The following TOLLIP variants were observed in gnomAD, a reference collection of about 807,000 sequenced individuals.
TOLLIP encodes toll interacting protein, also known as toll-interacting protein.
TOLLIP carries 16 observed loss-of-function variants against 33.5 expected under a neutral mutation model. The ratio of observed to expected loss-of-function variants is 0.48; its 90% confidence interval spans 0.32 to 0.72. The LOEUF (loss-of-function observed/expected upper bound fraction) is 0.72. Ranked by LOEUF, TOLLIP falls within the 30% of genes least tolerant of loss-of-function variation. TOLLIP has a pLI of 0.03. For synonymous variants in TOLLIP, 176 were observed against 163.7 expected, an observed-to-expected ratio of 1.07 and a Z score of -0.57; for missense variants, 325 against 396.6, an observed-to-expected ratio of 0.82 and a Z score of 1.53.
chr11:1,302,162 G>A (rs959325076), intron 1 of TOLLIP, among the ~76,000 whole-genome samples: 1 of 152,244 alleles, frequency 6.6e-6, no homozygotes, highest in Non-Finnish European at 1.5e-5. Flanking sequence ...TCTGGCCCAG[G>A]AGAAATGGCC....
At chr11:1,304,232 CGTCCACCGGGAGTACT>C (rs1201673575) in intron 1 of TOLLIP, among the ~76,000 whole-genome samples, 1 of 152,020 alleles carries the variant, frequency 6.6e-6, no homozygotes, top group Admixed American at 6.6e-5. Context: ...GACAAGTGAC[CGTCCACCGGGAGTACT>C]GTCCACCTGG....
rs1205167386 is a variant in TOLLIP, at chr11:1,277,774, A to C, written c.611-521T>G. Among the ~76,000 whole-genome samples the C allele has an allele frequency of 2.0e-5, 3 of 152,198 alleles. No homozygotes were observed. Among genetic ancestry groups the C allele is most frequent in the Admixed American group, 1.3e-4 (2 of 15,280 alleles). ...TTTGCAGCTTGGCAAGTGTGTCACT[A>C]AACTGTGTGCCGGTGGGGAACAATC... On this transcript the variant is annotated intron_variant, in intron 5 of 5. Coordinates refer to ENST00000317204, the MANE Select transcript of TOLLIP (RefSeq NM_019009.4). This position sits in a 1 kb window ranked among gnomAD's most constrained non-coding sequence, Gnocchi z 4.2.
chr11:1,287,428 C>A (rs868281980), intron 4 of TOLLIP, among the ~76,000 whole-genome samples: 3 of 113,464 alleles, frequency 2.6e-5, no homozygotes, highest in East Asian at 2.3e-4. Flanking sequence ...CCGCACCCTC[C>A]CCGCCGCAGC....
At chr11:1,287,431 GCCGCAGCCTCCCCGCCGCAC>G (rs1564969470) in intron 4 of TOLLIP, among the ~76,000 whole-genome samples, 3 of 40,146 alleles carry the variant, frequency 7.5e-5, no homozygotes, top group South Asian at 1.2e-3. Flanking sequence ...CACCCTCCCC[GCCGCAGCCTCCCCGCCGCAC>G]CCTCCCCGCC....
chr11:1,300,704 G>C (rs780661093), intron 1 of TOLLIP, among the ~76,000 whole-genome samples: 3 of 152,212 alleles, frequency 2.0e-5, no homozygotes. Context: ...AGCCCCGGAA[G>C]AGCCCAGCTC....
At chr11:1,286,915 C>T (rs752357982) in intron 4 of TOLLIP, among the ~76,000 whole-genome samples, 13 of 151,622 alleles carry the variant, frequency 8.6e-5, no homozygotes, top group Admixed American at 1.3e-4. Context: ...CTGTCCACTG[C>T]GGATAAGTCA....
At chr11:1,302,598 CCTGG>C in intron 1 of TOLLIP, 6 of 987,140 alleles carry the variant, frequency 6.1e-6, no homozygotes, top group Non-Finnish European at 7.2e-6. Context: ...CCCTGCAGCC[CCTGG>C]CACTCCAGCC....
intron 1 of TOLLIP, among the ~76,000 whole-genome samples, chr11:1,297,352 G>A (rs1044293824): frequency 1.3e-4 from 20 of 152,116 alleles, no homozygotes; most frequent in Non-Finnish European, 2.9e-5. Flanking sequence ...CTCCTCACCT[G>A]TGTCCCCATC....
Position 1,295,668 on chromosome 11 carries a change from G to C in TOLLIP, c.160C>G (p.Arg54Gly), listed in dbSNP as rs1026866301. 5 of 1,595,556 alleles carry C rather than the reference G, an allele frequency of 3.1e-6. No individual in the cohort carries two copies. The highest frequency in any genetic ancestry group is 4.3e-6 in the Non-Finnish European group (5 of 1,167,448). ...QYGGAVGTVG[R>G]LNITVVQAKL... Reference sequence around the variant, plus strand: ...ACCTGTACCACCGTGATGTTCAGTCGGCCCACGGTGCCCACTGCGCCTCCG... The same window carrying C: ...ACCTGTACCACCGTGATGTTCAGTCCGCCCACGGTGCCCACTGCGCCTCCG... Residue 54 changes from arginine to glycine, a missense_variant, in exon 2 of 6, where the codon CGA (arginine) becomes GGA (glycine). Coordinates refer to ENST00000317204, the MANE Select transcript of TOLLIP (RefSeq NM_019009.4).
chr11:1,308,364 T>G (rs1864474348), intron 1 of TOLLIP, among the ~76,000 whole-genome samples: 1 of 152,244 alleles, frequency 6.6e-6, no homozygotes, highest in Admixed American at 6.5e-5. Flanking sequence ...AAGCTCCCAC[T>G]TGGCCTTCCG....
rs921093479 is a variant in TOLLIP at position 1,306,317 on chromosome 11, C to CA, written c.33+3148dup. The CA allele has an allele frequency of 6.6e-5, 10 of 152,304 alleles. No homozygotes were observed. In the South Asian group the frequency reaches 1.7e-3, roughly 25 times the overall value. The allele number at this position is 152,304 out of a possible 1,614,324, so 9.4% of individuals were successfully genotyped here. ...CCCTGAAGCTCCCTCTACCCAAGGA[C>CA]AAAAGAACCCTCCCAGGACCCCATT... On this transcript the variant is annotated intron_variant, in intron 1 of 5. Coordinates refer to ENST00000317204, the MANE Select transcript of TOLLIP (RefSeq NM_019009.4).
chr11:1,283,372 G>A (rs887206931), intron 5 of TOLLIP: 5 of 350,558 alleles, frequency 1.4e-5, no homozygotes, highest in African/African-American at 4.3e-5. Context: ...GGACTCAGAC[G>A]GGCTCCAAGC....
Position 1,277,168 on chromosome 11 carries a change from C to T in TOLLIP, c.696G>A (p.Glu232=). 1.2e-6 allele frequency: 2 copies of T among 1,612,262 alleles called. No individual in the cohort carries two copies. Among genetic ancestry groups the T allele is most frequent in the Non-Finnish European group, 1.7e-6 (2 of 1,178,532 alleles). The change falls in exon 6 of 6, where the codon GAG becomes GAA. Residue 232 remains glutamate, a synonymous_variant. Coordinates refer to ENST00000317204, the MANE Select transcript of TOLLIP (RefSeq NM_019009.4). The surrounding 1 kb of genome is among the most constrained non-coding windows in gnomAD (Gnocchi z 4.2). ...AVNAQPRCSE[E]DLKAIQDMFP... Reference sequence around the variant, plus strand: ...ACATGTCCTGGATGGCTTTCAGGTCCTCCTCGCTACAGCGGGGCTGGGCGT... The same window carrying T: ...ACATGTCCTGGATGGCTTTCAGGTCTTCCTCGCTACAGCGGGGCTGGGCGT...
At chr11:1,297,361 T>C (rs758206107) in intron 1 of TOLLIP, among the ~76,000 whole-genome samples, 1 of 151,936 alleles carries the variant, frequency 6.6e-6, no homozygotes, top group Non-Finnish European at 1.5e-5. Context: ...TGTGTCCCCA[T>C]CTAAGGCCTG....
chr11:1,309,396 G>A, intron 1 of TOLLIP, 70 bp downstream of exon 1: 2 of 905,446 alleles, frequency 2.2e-6, no homozygotes, highest in South Asian at 3.7e-5. Context: ...CTGAGCAGTA[G>A]CCCTGACCCA....
intron 1 of TOLLIP, chr11:1,298,281 G>A (rs984621546): frequency 6.6e-6 from 1 of 152,274 alleles, no homozygotes; most frequent in Non-Finnish European, 1.5e-5. Flanking sequence ...GCCCTCCTGG[G>A]CACACGTAGG....
Position 1,277,090 on chromosome 11 carries a change from C to A in TOLLIP, c.774G>T (p.Gly258=), listed in dbSNP as rs1161583632. 1 of 1,613,986 alleles carries A rather than the reference C, an allele frequency of 6.2e-7. No individual in the cohort carries two copies. The highest frequency in any genetic ancestry group is 8.5e-7 in the Non-Finnish European group (1 of 1,180,034). Residue 258 remains glycine, a synonymous_variant, in exon 6 of 6, where the codon GGG becomes GGT. Transcript: ENST00000317204. This position sits in a 1 kb window ranked among gnomAD's most constrained non-coding sequence, Gnocchi z 4.2. ...GGGAGTTGATGGCGGCATCCTTGTT[C>A]CCTCGCTGGGCTTCCAGCACGGAGC... is the stretch of plus-strand genomic sequence containing the variant. ...VIRSVLEAQR[G]NKDAAINSLL...
chr11:1,295,524 A>G, intron 2 of TOLLIP, 121 bp downstream of exon 2: 15 of 1,246,998 alleles, frequency 1.2e-5, no homozygotes, highest in Non-Finnish European at 1.5e-5. Flanking sequence ...TTTCAGGAAA[A>G]GCGGGAATCA....
At chr11:1,288,994 T>TGGGCCA (rs1044578941) in intron 3 of TOLLIP, among the ~76,000 whole-genome samples, 45 of 152,322 alleles carry the variant, frequency 3.0e-4, no homozygotes, top group South Asian at 1.0e-3. Flanking sequence ...TCCACCAGGA[T>TGGGCCA]GGGCCAGGGC....
Sources: gnomAD v4.1 joint callset for allele counts (sites outside exome capture counted in the v4.1 genomes callset) on GRCh38, gnomAD v4.1.1 for gene constraint, Gnocchi (gnomAD v3.1) non-coding constraint, MANE v1.5 for transcripts, NCBI Gene and HGNC (gene_info 2026-07-23, HGNC 2026-07-21) for gene names.